The following RCAN2 variants were observed in gnomAD, a reference collection of about 807,000 sequenced individuals.
The protein encoded by RCAN2 is regulator of calcineurin 2.
In RCAN2, 9 loss-of-function variants were observed where a neutral mutation model predicts 23.6. The observed-to-expected ratio is 0.38, with a 90% confidence interval of 0.23 to 0.67. The LOEUF is 0.67. Ranked by LOEUF, RCAN2 falls within the 30% of genes least tolerant of loss-of-function variation. The pLI, the probability that RCAN2 is intolerant of heterozygous loss-of-function variation, is 0.51. For synonymous variants in RCAN2, 109 were observed against 115.7 expected, an observed-to-expected ratio of 0.94 and a Z score of 0.37; for missense variants, 273 against 302.3, an observed-to-expected ratio of 0.90 and a Z score of 0.72.
At chr6:46,358,760 C>T (rs939239596) in intron 2 of RCAN2, among the ~76,000 whole-genome samples, 1 of 152,168 alleles carries the variant, frequency 6.6e-6, no homozygotes, top group African/African-American at 2.4e-5. Context: ...CAGTGGTCCT[C>T]AGCTCTGGCT....
rs562642521 is a variant in RCAN2 at position 46,353,351 on chromosome 6, G to A, written c.225+103401C>T. ...GGACAATGGGTTTTGCTTTTTGGGT[G>A]TGGGGGAGGAGAGAATTTGAAAGAA... On this transcript the variant is annotated intron_variant, in intron 2 of 4. Coordinates refer to ENST00000371374, the MANE Select transcript of RCAN2 (RefSeq NM_001251974.2). Among the ~76,000 whole-genome samples, 15 of 152,212 alleles carry A rather than the reference G, an allele frequency of 9.9e-5. No individual in the cohort carries two copies. In the East Asian group the frequency reaches 1.7e-3, roughly 18 times the overall value.
intron 2 of RCAN2, among the ~76,000 whole-genome samples, chr6:46,389,036 A>G (rs1053831816): frequency 6.6e-6 from 1 of 152,228 alleles, no homozygotes; most frequent in Non-Finnish European, 1.5e-5. Context: ...TCTATATATC[A>G]TGAGGTAGAA....
chr6:46,275,344 T>C (rs999804074), intron 2 of RCAN2, among the ~76,000 whole-genome samples: 3 of 152,326 alleles, frequency 2.0e-5, no homozygotes, highest in Non-Finnish European at 4.4e-5. Context: ...TAAAGGGTAT[T>C]ATTGCTTTTG....
intron 2 of RCAN2, among the ~76,000 whole-genome samples, chr6:46,273,861 C>CT (rs566745437): frequency 0.017 from 2,619 of 150,264 alleles, 18 homozygotes; most frequent in Non-Finnish European, 0.03. Flanking sequence ...GTGGCAGATT[C>CT]TTTTTTTTTT....
chr6:46,409,251 T>C (rs1047558588), intron 2 of RCAN2, among the ~76,000 whole-genome samples: 7 of 152,282 alleles, frequency 4.6e-5, no homozygotes, highest in African/African-American at 1.7e-4. Context: ...CAGGTATATA[T>C]GAAAGCAATA....
At chr6:46,462,636 C>T (rs957510608) in intron 1 of RCAN2, among the ~76,000 whole-genome samples, 2 of 152,158 alleles carry the variant, frequency 1.3e-5, no homozygotes, top group African/African-American at 2.4e-5. Context: ...AATTTCTTTT[C>T]CCCCAATAAA....
At position 46,306,957 on chromosome 6, in the gene RCAN2, T is replaced by G. The variant is rs141133171; in HGVS notation, c.226-58061A>C. On this transcript the variant is annotated intron_variant, in intron 2 of 4. Coordinates refer to ENST00000371374, the MANE Select transcript of RCAN2 (RefSeq NM_001251974.2). The stretch of plus-strand genomic sequence containing the variant: ...AGAAAAGCATTTTTGACTACTTTGT[T>G]TGCTAATTTCAGCCTATATCTAGAA... Among the ~76,000 whole-genome samples, 1,000 of 152,288 alleles carry G rather than the reference T, an allele frequency of 6.6e-3. 12 individuals carry two copies. Among genetic ancestry groups the G allele is most frequent in the African/African-American group, 0.023 (940 of 41,568 alleles).
chr6:46,488,417 A>T (rs1769052704), intron 1 of RCAN2, among the ~76,000 whole-genome samples: 1 of 152,216 alleles, frequency 6.6e-6, no homozygotes. Context: ...GTTAGATATT[A>T]TCATTATCAT....
chr6:46,267,488 C>G (rs892529471), intron 2 of RCAN2, among the ~76,000 whole-genome samples: 3 of 152,110 alleles, frequency 2.0e-5, no homozygotes, highest in Non-Finnish European at 4.4e-5. Context: ...TGAGACCAGC[C>G]TAAGCAACAT....
chr6:46,468,630 T>C (rs1440020147), intron 1 of RCAN2, among the ~76,000 whole-genome samples: 1 of 152,188 alleles, frequency 6.6e-6, no homozygotes, highest in African/African-American at 2.4e-5. Context: ...TCTCCTTCCA[T>C]ATGTTGAGCA....
At chr6:46,395,569 A>G (rs549897720) in intron 2 of RCAN2, among the ~76,000 whole-genome samples, 1 of 152,338 alleles carries the variant, frequency 6.6e-6, no homozygotes, top group East Asian at 1.9e-4. Flanking sequence ...ATACTCTAAT[A>G]TGTCAGATTG....
chr6:46,432,638 A>G (rs1379947980), intron 2 of RCAN2, among the ~76,000 whole-genome samples: 2 of 152,178 alleles, frequency 1.3e-5, no homozygotes, highest in Non-Finnish European at 2.9e-5. Context: ...TTACCAGCAG[A>G]CTTGGCCAAC....
chr6:46,409,211 T>C (rs552848105), intron 2 of RCAN2, among the ~76,000 whole-genome samples: 4 of 152,326 alleles, frequency 2.6e-5, no homozygotes, highest in African/African-American at 7.2e-5. Flanking sequence ...CCGAGTTCCA[T>C]AGATACACTT....
chr6:46,475,566 A>T (rs1409129724), intron 1 of RCAN2, among the ~76,000 whole-genome samples: 1 of 152,164 alleles, frequency 6.6e-6, no homozygotes, highest in African/African-American at 2.4e-5. Flanking sequence ...CTATAATTCC[A>T]ATATTCTTTA....
intron 2 of RCAN2, among the ~76,000 whole-genome samples, chr6:46,349,705 G>A (rs1268195055): frequency 2.0e-5 from 3 of 151,982 alleles, no homozygotes; most frequent in Non-Finnish European, 4.4e-5. Context: ...AACCATCAAA[G>A]AAAATCTCAG....
At chr6:46,264,703 G>A (rs867581199) in intron 2 of RCAN2, among the ~76,000 whole-genome samples, 5 of 152,042 alleles carry the variant, frequency 3.3e-5, no homozygotes, top group Non-Finnish European at 7.4e-5. Context: ...TATCATGGCT[G>A]AAGTGGATTT....
intron 2 of RCAN2, among the ~76,000 whole-genome samples, chr6:46,253,855 A>G (rs1489977826): frequency 1.3e-5 from 2 of 152,194 alleles, no homozygotes; most frequent in East Asian, 3.8e-4. Flanking sequence ...TATGTGTAAA[A>G]ATTGCCTACC....
At chr6:46,224,907 A>G (rs942169586) in intron 4 of RCAN2, among the ~76,000 whole-genome samples, 4 of 151,582 alleles carry the variant, frequency 2.6e-5, no homozygotes, top group Non-Finnish European at 4.4e-5. Context: ...TCATTTACAT[A>G]TCTCCTAATG....
At chr6:46,349,286 A>G (rs1166309212) in intron 2 of RCAN2, among the ~76,000 whole-genome samples, 1 of 152,154 alleles carries the variant, frequency 6.6e-6, no homozygotes, top group East Asian at 1.9e-4. Flanking sequence ...ATTCACAGAT[A>G]ACACAAGTAA....
Sources: gnomAD v4.1 joint callset for allele counts (sites outside exome capture counted in the v4.1 genomes callset) on GRCh38, gnomAD v4.1.1 for gene constraint, MANE v1.5 for transcripts, NCBI Gene and HGNC (gene_info 2026-07-23, HGNC 2026-07-21) for gene names.